Variants in SLC7A14 observed in about 807,000 individuals in gnomAD.
SLC7A14 encodes gamma-aminobutyric acid transporter SLC7A14.
A neutral mutation model predicts 60.2 loss-of-function variants in SLC7A14; 37 were observed. That is an observed-to-expected ratio of 0.61 (90% CI 0.47 to 0.81). The LOEUF (loss-of-function observed/expected upper bound fraction) is 0.81. SLC7A14 is among the 30% of genes least tolerant of loss of function. The pLI, the probability that SLC7A14 is intolerant of heterozygous loss-of-function variation, is 0.00. For synonymous variants in SLC7A14, 399 were observed against 395.8 expected (o/e 1.01, Z -0.10); for missense variants, 886 against 982.7 (o/e 0.90, Z 1.32).
intron 1 of SLC7A14, among the ~76,000 whole-genome samples, chr3:170,561,808 T>C (rs1364969202): frequency 6.6e-6 from 1 of 151,982 alleles, no homozygotes; most frequent in East Asian, 1.9e-4. Context: ...AAAAACAAAC[T>C]ATCCCTTCAA....
intron 2 of SLC7A14, among the ~76,000 whole-genome samples, chr3:170,522,122 A>G (rs1713357821): frequency 6.6e-6 from 1 of 152,156 alleles, no homozygotes; most frequent in African/African-American, 2.4e-5. Flanking sequence ...AAACAAAACA[A>G]CCATGAAAAA....
chr3:170,472,776 A>T (rs1247572496), intron 7 of SLC7A14, among the ~76,000 whole-genome samples: 1 of 151,992 alleles, frequency 6.6e-6, no homozygotes, highest in Non-Finnish European at 1.5e-5. Flanking sequence ...TCAAAAAAAA[A>T]AAAAAAGAAA....
intron 1 of SLC7A14, among the ~76,000 whole-genome samples, chr3:170,553,148 T>C (rs1714395254): frequency 6.6e-6 from 1 of 152,224 alleles, no homozygotes; most frequent in African/African-American, 2.4e-5. Flanking sequence ...TGGATTCTCT[T>C]TCTGCCACTG....
intron 7 of SLC7A14, among the ~76,000 whole-genome samples, chr3:170,474,506 G>C (rs1273901112): frequency 6.6e-6 from 1 of 152,158 alleles, no homozygotes; most frequent in Non-Finnish European, 1.5e-5. Flanking sequence ...TGGCCTTCAG[G>C]ATTATTCTTG....
intron 1 of SLC7A14, among the ~76,000 whole-genome samples, chr3:170,543,696 C>T (rs1356659869): frequency 6.6e-6 from 1 of 151,054 alleles, no homozygotes; most frequent in African/African-American, 2.4e-5. Flanking sequence ...TCTCCAGGAC[C>T]AAGAGGGTTG....
intron 1 of SLC7A14, among the ~76,000 whole-genome samples, chr3:170,534,795 T>A (rs1287486380): frequency 6.6e-6 from 1 of 152,214 alleles, no homozygotes; most frequent in Non-Finnish European, 1.5e-5. Flanking sequence ...AAAAAACTTA[T>A]GAAAACAATT....
intron 1 of SLC7A14, among the ~76,000 whole-genome samples, chr3:170,569,857 T>A (rs192510552): frequency 6.6e-6 from 1 of 152,190 alleles, no homozygotes; most frequent in African/African-American, 2.4e-5. Context: ...GGTGGTGATA[T>A]CCCCTTTATC....
At chr3:170,571,918 G>A (rs1714965490) in intron 1 of SLC7A14, among the ~76,000 whole-genome samples, 1 of 151,896 alleles carries the variant, frequency 6.6e-6, no homozygotes, top group Admixed American at 6.6e-5. Flanking sequence ...AAAACTAGCT[G>A]GGCATGGTGG....
intron 2 of SLC7A14, among the ~76,000 whole-genome samples, chr3:170,511,484 A>G (rs1712978508): frequency 6.6e-6 from 1 of 152,144 alleles, no homozygotes; most frequent in East Asian, 1.9e-4. Flanking sequence ...CTGTTTCCCT[A>G]CCTGGAAAAT....
At chr3:170,533,573 A>G (rs1326201150) in intron 1 of SLC7A14, among the ~76,000 whole-genome samples, 2 of 152,180 alleles carry the variant, frequency 1.3e-5, no homozygotes, top group Admixed American at 1.3e-4. Context: ...CTTCTTGAAT[A>G]GGCTGCAGCT....
chr3:170,501,042 AAGG>A, intron 3 of SLC7A14, 64 bp downstream of exon 3: 1 of 1,517,220 alleles, frequency 6.6e-7, no homozygotes, highest in South Asian at 1.1e-5. Context: ...TGCTTTCTGA[AAGG>A]AGAACTCATT....
At chr3:170,577,474 C>T (rs947308070) in intron 1 of SLC7A14, among the ~76,000 whole-genome samples, 2 of 151,510 alleles carry the variant, frequency 1.3e-5, no homozygotes, top group East Asian at 1.9e-4. Context: ...AAAACTTAGC[C>T]GGGCGCGGTG....
At chr3:170,553,457 C>T (rs1714403710) in intron 1 of SLC7A14, among the ~76,000 whole-genome samples, 1 of 152,024 alleles carries the variant, frequency 6.6e-6, no homozygotes, top group Non-Finnish European at 1.5e-5. Flanking sequence ...CAGTTCAAAA[C>T]AGTAACATTG....
rs1460123073 is a variant in SLC7A14, at chr3:170,464,959, A to G, written c.*2096T>C. On this transcript the variant is annotated 3_prime_UTR_variant, in exon 8 of 8. Transcript: ENST00000231706. ...ACACCAGGCAGATTTGTTGAGTCCT[A>G]TAGCCAATTCAAAACTTTGTTTTCA... is the stretch of plus-strand genomic sequence containing the variant. 2.6e-5 allele frequency: 4 copies of G among 152,242 alleles called. No individual in the cohort carries two copies. Among genetic ancestry groups the G allele is most frequent in the Admixed American group, 2.6e-4 (4 of 15,286 alleles). 9.4% of individuals were successfully genotyped at this position (152,242 alleles called of 1,614,324 possible). A position where few individuals can be genotyped will look rare whatever the true frequency, so the allele number is the denominator to read the frequency against.
At chr3:170,500,483 T>A (rs1158091825) in intron 3 of SLC7A14, among the ~76,000 whole-genome samples, 1 of 147,046 alleles carries the variant, frequency 6.8e-6, no homozygotes, top group Non-Finnish European at 1.5e-5. Flanking sequence ...TGGCAAATGA[T>A]GGATGGAGCC....
intron 1 of SLC7A14, among the ~76,000 whole-genome samples, chr3:170,584,692 A>G (rs1029502193): frequency 6.6e-6 from 1 of 152,128 alleles, no homozygotes; most frequent in Non-Finnish European, 1.5e-5. Context: ...ATTAGCACCC[A>G]GCCTCTGAGA....
intron 2 of SLC7A14, among the ~76,000 whole-genome samples, chr3:170,518,245 G>A (rs918134341): frequency 2.0e-5 from 3 of 152,196 alleles, no homozygotes; most frequent in Non-Finnish European, 4.4e-5. Flanking sequence ...TAGACCCCTC[G>A]TGGTGTTCTG....
chr3:170,467,054 C>G lies in SLC7A14; in HGVS notation c.*1G>C. The G allele has an allele frequency of 6.3e-7, 1 of 1,594,288 alleles. No homozygotes were observed. The highest frequency in any genetic ancestry group is 2.2e-5 in the East Asian group (1 of 44,668). The stretch of plus-strand genomic sequence containing the variant: ...CATTTCTACCCACTTGTGTGTTTCT[C>G]CTACTCTGGAGAGTAATCTAACTCA... On this transcript the variant is annotated 3_prime_UTR_variant, in exon 8 of 8. Coordinates refer to ENST00000231706, the MANE Select transcript of SLC7A14 (RefSeq NM_020949.3).
At chr3:170,495,952 A>G (rs1194121432) in intron 4 of SLC7A14, 4 of 1,368,754 alleles carry the variant, frequency 2.9e-6, no homozygotes, top group Non-Finnish European at 4.2e-6. Context: ...CTGGTGGAGG[A>G]CTTCAAGAAC....
Sources: gnomAD v4.1 joint callset for allele counts (sites outside exome capture counted in the v4.1 genomes callset) on GRCh38, gnomAD v4.1.1 for gene constraint, MANE v1.5 for transcripts, NCBI Gene and HGNC (gene_info 2026-07-23, HGNC 2026-07-21) for gene names.